ZNF91: variants seen among roughly 807,000 people sequenced by gnomAD.
The protein encoded by ZNF91 is zinc finger protein 91 (HPF7, HTF10).
A neutral mutation model predicts 12.6 loss-of-function variants in ZNF91; 7 were observed. That is an observed-to-expected ratio of 0.55 (90% CI 0.31 to 1.04). ZNF91 has a LOEUF of 1.04. Ranked by LOEUF, ZNF91 falls within the 50% of genes least tolerant of loss-of-function variation. ZNF91 has a pLI of 0.05. For synonymous variants in ZNF91, 453 were observed against 462.6 expected (o/e 0.98, Z 0.27); for missense variants, 1,217 against 1,385.4 (o/e 0.88, Z 1.93).
At chr19:23,380,596 G>A (rs1395685698) in intron 1 of ZNF91, 3 of 151,990 alleles carry the variant, frequency 2.0e-5, no homozygotes, top group Non-Finnish European at 4.4e-5. Context: ...ATTATATTGA[G>A]AGAAAAAAAC....
At chr19:23,385,004 T>G in intron 1 of ZNF91, 1 of 1,214,882 alleles carries the variant, frequency 8.2e-7, no homozygotes, top group South Asian at 1.2e-5. Context: ...AAAAGCAGTC[T>G]GTTGGAGAAC....
chr19:23,332,763 T>C (rs1334035275), intron 1 of ZNF91, among the ~76,000 whole-genome samples: 2 of 152,156 alleles, frequency 1.3e-5, no homozygotes, highest in South Asian at 2.1e-4. Flanking sequence ...GGAATGGAGA[T>C]TGGTATTCTG....
chr19:23,371,464 A>T (rs1969276163), intron 3 of ZNF91, among the ~76,000 whole-genome samples: 1 of 152,216 alleles, frequency 6.6e-6, no homozygotes, highest in Non-Finnish European at 1.5e-5. Context: ...ATTGTGATAG[A>T]CATATGGCTC....
chr19:23,380,220 T>C (rs1177888829), intron 1 of ZNF91: 1 of 133,134 alleles, frequency 7.5e-6, no homozygotes, highest in African/African-American at 2.8e-5. Context: ...GATTGCGAGA[T>C]TGCACCATTG....
At chr19:23,390,049 G>A (rs1377828859) in intron 1 of ZNF91, among the ~76,000 whole-genome samples, 1 of 152,312 alleles carries the variant, frequency 6.6e-6, no homozygotes. Context: ...AGGCGCGCCA[G>A]CTCACTTCTG....
At position 23,361,087 on chromosome 19, in the gene ZNF91, T is replaced by C; in HGVS notation, c.1892A>G (p.Lys631Arg). 1 of 1,613,918 alleles carries C rather than the reference T, an allele frequency of 6.2e-7. No homozygotes were observed. Among genetic ancestry groups the C allele is most frequent in the Non-Finnish European group, 8.5e-7 (1 of 1,179,952 alleles). ...KRIHTGEKPYKCEECGKAFSH... is the reference protein window; with the variant it reads ...KRIHTGEKPYRCEECGKAFSH... ...AAAAGCTTTGCCACATTCTTCACATTTGTAGGGTTTCTCTCCAGTGTGTAT... is the reference window on the plus strand; with the variant it reads ...AAAAGCTTTGCCACATTCTTCACATCTGTAGGGTTTCTCTCCAGTGTGTAT... The change falls in exon 4 of 4, where the codon AAA becomes AGA. Residue 631 changes from lysine to arginine, a missense_variant. Transcript: ENST00000300619.
In ZNF91 at chr19:23,333,285, T is replaced by C. The variant is rs547291950; in HGVS notation, n.117-24188A>G. Among the ~76,000 whole-genome samples, 5 of 152,356 alleles carry C rather than the reference T, an allele frequency of 3.3e-5. No homozygotes were observed. In the South Asian group the frequency reaches 1.0e-3, roughly 32 times the overall value. On this transcript the variant is annotated intron_variant and non_coding_transcript_variant, in intron 1 of 1. Transcript: ENST00000596528. ...TCTATTGGTTTGTTATAATAGGTTA[T>C]TGTTACTTTACATATTATAGAAACT... is the stretch of plus-strand genomic sequence containing the variant.
chr19:23,363,725 A>G (rs905677272), intron 3 of ZNF91, among the ~76,000 whole-genome samples: 2 of 152,228 alleles, frequency 1.3e-5, no homozygotes, highest in Non-Finnish European at 2.9e-5. Flanking sequence ...AGATGTATAC[A>G]TTAATTTTAT....
At chr19:23,313,614 T>A (rs1268126733), upstream of ZNF91, among the ~76,000 whole-genome samples, 1 of 152,196 alleles carries the variant, frequency 6.6e-6, no homozygotes, top group African/African-American at 2.4e-5. Flanking sequence ...AACATTTATC[T>A]CTGGCCCAGG....
chr19:23,378,932 A>G (rs1257053125), intron 1 of ZNF91, among the ~76,000 whole-genome samples: 1 of 152,206 alleles, frequency 6.6e-6, no homozygotes, highest in African/African-American at 2.4e-5. Context: ...CTCAAGTACC[A>G]GGGAACTAGA....
intron 1 of ZNF91, among the ~76,000 whole-genome samples, chr19:23,331,690 C>T (rs118146928): frequency 0.013 from 1,930 of 152,090 alleles, 21 homozygotes; most frequent in Middle Eastern, 0.034. Context: ...GCTTGCTGTG[C>T]GCCTTTGTTA....
downstream of ZNF91, among the ~76,000 whole-genome samples, chr19:23,334,077 C>T (rs562874160): frequency 6.6e-6 from 1 of 152,260 alleles, no homozygotes; most frequent in South Asian, 2.1e-4. Context: ...AGGTGATACC[C>T]TCAAATGTAC....
Position 23,359,437 on chromosome 19 carries a change from A to C in ZNF91, c.3542T>G (p.Ile1181Ser), listed in dbSNP as rs1018129410. 13 of 1,372,306 alleles carry C rather than the reference A, an allele frequency of 9.5e-6. No individual in the cohort carries two copies. The highest frequency in any genetic ancestry group is 1.8e-4 in the Middle Eastern group (1 of 5,502). The allele number at this position is 1,372,306 out of a possible 1,614,324, so 85.0% of individuals were successfully genotyped here. Residue 1181 changes from isoleucine (I) to serine (S), a missense_variant, in exon 4 of 4, where the codon ATC becomes AGC. This residue lies in a region of ZNF91 where 491 missense variants were observed against 489.8 expected (regional missense o/e 1.00). Coordinates refer to ENST00000300619, the MANE Select transcript of ZNF91 (RefSeq NM_003430.4). ...GGSRGQEMET[I>S]LANTVKPLLY ...AAGGGGTTTCACTGTGTTAGCCAGG[A>C]TGGTCTCCATCTCCTGACCTCGTGA...
chr19:23,334,412 T>C (rs1241318963), downstream of ZNF91, among the ~76,000 whole-genome samples: 2 of 152,282 alleles, frequency 1.3e-5, no homozygotes, highest in East Asian at 3.9e-4. Flanking sequence ...AAGTTTAAGC[T>C]TGAAAAAAGA....
Position 23,359,586 on chromosome 19 carries a change from C to A in ZNF91, c.3393G>T (p.Glu1131Asp). Residue 1131 changes from glutamate (E) to aspartate (D), a missense_variant, in exon 4 of 4, where the codon GAG becomes GAT. Glu to Asp is a conservative substitution (Grantham distance 45, BLOSUM62 2). Coordinates refer to ENST00000300619, the MANE Select transcript of ZNF91 (RefSeq NM_003430.4). ...CACATTTTTCACATTTGTAGGGTTTCTCTCCAGTGTGAATTATCTTATGTT... is the reference window on the plus strand; with the variant it reads ...CACATTTTTCACATTTGTAGGGTTTATCTCCAGTGTGAATTATCTTATGTT... ...LTKHKIIHTG[E>D]KPYKCEKCGK... The A allele has an allele frequency of 6.2e-7, 1 of 1,614,026 alleles. No individual in the cohort carries two copies.
chr19:23,306,234 G>T (rs1300058650), intron 3 of ZNF91, among the ~76,000 whole-genome samples: 1 of 152,156 alleles, frequency 6.6e-6, no homozygotes. Context: ...CAACACACAG[G>T]TGTTGACTCT....
Position 23,359,488 on chromosome 19 carries a change from A to G in ZNF91, c.3491T>C (p.Leu1164Pro), listed in dbSNP as rs428549. The G allele has an allele frequency of 0.28, 442,864 of 1,608,096 alleles. 65,072 individuals carry two copies. The highest frequency in any genetic ancestry group is 0.55 in the African/African-American group (40,832 of 74,644). The change falls in exon 4 of 4, where the codon CTA becomes CCA. Residue 1164 changes from leucine to proline, a missense_variant. This residue lies in a region of ZNF91 where 491 missense variants were observed against 489.8 expected (regional missense o/e 1.00). Transcript: ENST00000300619. ...TCCGCCCGCCTCGGCCTCCCAAAGTAGTGGGATTACAGGTGTGATAGTATG... is the reference window on the plus strand; with the variant it reads ...TCCGCCCGCCTCGGCCTCCCAAAGTGGTGGGATTACAGGTGTGATAGTATG... ...KIHTITPVIP[L>P]LWEAEAGGSR...
Position 23,345,303 on chromosome 19 carries a change from T to TA in ZNF91, c.254-6250dup, listed in dbSNP as rs367746444. Among the ~76,000 whole-genome samples, 619 of 152,242 alleles carry TA rather than the reference T, an allele frequency of 4.1e-3. 8 individuals carry two copies. The highest frequency in any genetic ancestry group is 0.014 in the African/African-American group (592 of 41,540). On this transcript the variant is annotated intron_variant, in intron 3 of 3. Transcript: ENST00000599743. ...AAGGACATCCTTCTAGGCTGCCTCA[T>TA]AAAAAAACCTACAAACCTCAGGCCT... is the stretch of plus-strand genomic sequence containing the variant.
At chr19:23,353,377 T>A (rs1174508194), downstream of ZNF91, among the ~76,000 whole-genome samples, 1 of 151,848 alleles carries the variant, frequency 6.6e-6, no homozygotes, top group Admixed American at 6.6e-5. Context: ...AAAAACAAAA[T>A]CAATATAGAA....
Sources: gnomAD v4.1 joint callset for allele counts (sites outside exome capture counted in the v4.1 genomes callset) on GRCh38, gnomAD v4.1.1 for gene constraint, gnomAD v4.1.1 regional missense constraint, MANE v1.5 for transcripts, NCBI Gene and HGNC (gene_info 2026-07-23, HGNC 2026-07-21) for gene names.